The following NMUR2 variants were observed in gnomAD, a reference collection of about 807,000 sequenced individuals.
The protein encoded by NMUR2 is neuromedin-U receptor 2.
NMUR2 carries 24 observed loss-of-function variants against 25.1 expected under a neutral mutation model. That is an observed-to-expected ratio of 0.96 (90% CI 0.69 to 1.34). The LOEUF is 1.34. NMUR2 is among the 40% of genes most tolerant of loss of function. NMUR2 has a pLI of 0.00. For missense variants in NMUR2, 533 were observed against 512.8 expected, an observed-to-expected ratio of 1.04 and a Z score of -0.38; for synonymous variants, 218 against 208.1, an observed-to-expected ratio of 1.05 and a Z score of -0.41.
In NMUR2 at chr5:152,404,755, T is replaced by C; in HGVS notation, c.359A>G (p.Tyr120Cys). ...GGTCTCAAAGAGGGCCGTCTTGAAG[T>C]AGCAGCCCACGGGCCCGAACAAGAA... ...YPFLFGPVGC[Y>C]FKTALFETVC... Residue 120 changes from tyrosine to cysteine, a missense_variant, in exon 1 of 4, where the codon TAC (tyrosine) becomes TGC (cysteine). Physicochemically the swap from Tyr to Cys is radical, Grantham distance 194. Transcript: ENST00000255262. 2 of 1,614,046 alleles carry C rather than the reference T, an allele frequency of 1.2e-6. No homozygotes were observed. Among genetic ancestry groups the C allele is most frequent in the Middle Eastern group, 1.6e-4 (1 of 6,062 alleles).
rs1468414545 is a variant in NMUR2 at position 152,404,787 on chromosome 5, G to T, written c.327C>A (p.Asn109Lys). 3 of 1,613,992 alleles carry T rather than the reference G, an allele frequency of 1.9e-6. No homozygotes were observed. Among genetic ancestry groups the T allele is most frequent in the Non-Finnish European group, 2.5e-6 (3 of 1,180,042 alleles). Residue 109 changes from asparagine (N) to lysine (K), a missense_variant, in exon 1 of 4, where the codon AAC becomes AAA. Coordinates refer to ENST00000255262, the MANE Select transcript of NMUR2 (RefSeq NM_020167.5). ...MPLEVYEMWR[N>K]YPFLFGPVGC... is the part of the protein sequence containing the mutation. ...CCACGGGCCCGAACAAGAAAGGGTA[G>T]TTGCGCCACATCTCATAGACCTCCA...
Position 152,395,643 on chromosome 5 carries a change from A to G in NMUR2, c.812-59T>C, listed in dbSNP as rs530823707. 27 of 1,581,266 alleles carry G rather than the reference A, an allele frequency of 1.7e-5. No individual in the cohort carries two copies. In the African/African-American group the frequency reaches 3.4e-4, roughly 20 times the overall value. On this transcript the variant is annotated intron_variant, in intron 2 of 3. Transcript: ENST00000255262. Reference sequence around the variant, plus strand: ...CAGTCTGTGCAAGGATAGGTATACAATGCTCACTCTGAGTCAATCATTTCT... The same window carrying G: ...CAGTCTGTGCAAGGATAGGTATACAGTGCTCACTCTGAGTCAATCATTTCT...
Position 152,404,728 on chromosome 5 carries a change from A to G in NMUR2, c.386T>C (p.Val129Ala), listed in dbSNP as rs201308697. 2.7e-5 allele frequency: 44 copies of G among 1,614,028 alleles called. No individual in the cohort carries two copies. The highest frequency in any genetic ancestry group is 2.2e-5 in the East Asian group (1 of 44,878). Residue 129 changes from valine to alanine, a missense_variant, in exon 1 of 4, where the codon GTG (valine) becomes GCG (alanine). Val to Ala is a moderately conservative substitution (Grantham distance 64). Transcript: ENST00000255262. Reference sequence around the variant, plus strand: ...GATGCTGAGGATGGAGGCGAAGCACACGGTCTCAAAGAGGGCCGTCTTGAA... The same window carrying G: ...GATGCTGAGGATGGAGGCGAAGCACGCGGTCTCAAAGAGGGCCGTCTTGAA... ...CYFKTALFET[V>A]CFASILSITT...
At chr5:152,397,013 T>G (rs1012661400) in intron 2 of NMUR2, among the ~76,000 whole-genome samples, 3 of 66,688 alleles carry the variant, frequency 4.5e-5, no homozygotes, top group African/African-American at 5.2e-5. Flanking sequence ...GAGCTTCATG[T>G]TTTTTTTTTT....
intron 2 of NMUR2, among the ~76,000 whole-genome samples, chr5:152,396,810 T>C (rs1341113932): frequency 6.6e-6 from 1 of 151,942 alleles, no homozygotes; most frequent in Non-Finnish European, 1.5e-5. Flanking sequence ...GAGAATTGCT[T>C]GAACCTGGGA....
rs758264083 is a variant in NMUR2 at position 152,405,096 on chromosome 5, T to C, written c.18A>G (p.Lys6=). Residue 6 remains lysine (K), a synonymous_variant, in exon 1 of 4, where the codon AAA becomes AAG. Transcript: ENST00000255262. The part of the protein sequence containing the change: MSGME[K]LQNASWIYQQ... ...GGTAGATCCAGGAAGCATTCTGAAG[T>C]TTTTCCATCCCTGACATTAAAATCC... 6.2e-7 allele frequency: 1 copy of C among 1,608,450 alleles called. No individual in the cohort carries two copies. Among genetic ancestry groups the C allele is most frequent in the South Asian group, 1.1e-5 (1 of 90,628 alleles).
intron 1 of NMUR2, among the ~76,000 whole-genome samples, chr5:152,402,143 G>C (rs1263607497): frequency 2.0e-5 from 3 of 152,140 alleles, no homozygotes; most frequent in African/African-American, 7.2e-5. Flanking sequence ...AGAGCCATGA[G>C]TACCTACAAC....
chr5:152,399,623 A>C (rs1753220417), intron 1 of NMUR2, among the ~76,000 whole-genome samples: 1 of 152,166 alleles, frequency 6.6e-6, no homozygotes, highest in African/African-American at 2.4e-5. Context: ...GGTTGAAACC[A>C]ACACCATAGA....
rs763343576 is a variant in NMUR2 at position 152,405,136 on chromosome 5, C to A, written c.-23G>T. 1 of 1,570,674 alleles carries A rather than the reference C, an allele frequency of 6.4e-7. No individual in the cohort carries two copies. Among genetic ancestry groups the A allele is most frequent in the East Asian group, 2.3e-5 (1 of 44,388 alleles). ...CATTAAAATCCAAGGCCTGAGCCTC[C>A]CCTGGTACGAGGCTCTGTTTCAAGC... On this transcript the variant is annotated 5_prime_UTR_variant, in exon 1 of 4. Coordinates refer to ENST00000255262, the MANE Select transcript of NMUR2 (RefSeq NM_020167.5).
In NMUR2 at chr5:152,391,647, A is replaced by G. The variant is rs1292200296; in HGVS notation, c.*544T>C. 1.3e-5 allele frequency: 2 copies of G among 153,384 alleles called. No individual in the cohort carries two copies. Among genetic ancestry groups the G allele is most frequent in the Non-Finnish European group, 2.9e-5 (2 of 68,876 alleles). The allele number at this position is 153,384 out of a possible 1,614,324, so 9.5% of individuals were successfully genotyped here. On this transcript the variant is annotated 3_prime_UTR_variant, in exon 4 of 4. Coordinates refer to ENST00000255262, the MANE Select transcript of NMUR2 (RefSeq NM_020167.5). ...AGAAAGATGCCAGCAGATTTGCTCA[A>G]CAGCATTGCCACAAACTTTCAATTT...
chr5:152,395,419 C>A, intron 3 of NMUR2, 40 bp downstream of exon 3: 1 of 1,611,596 alleles, frequency 6.2e-7, no homozygotes, highest in South Asian at 1.1e-5. Flanking sequence ...GTGCTGTTAC[C>A]TGAATACTAG....
At position 152,395,452 on chromosome 5, in the gene NMUR2, G is replaced by GT; in HGVS notation, c.937+6dup. 6.2e-7 allele frequency: 1 copy of GT among 1,613,234 alleles called. No individual in the cohort carries two copies. Among genetic ancestry groups the GT allele is most frequent in the Non-Finnish European group, 8.5e-7 (1 of 1,179,516 alleles). ...TAGTCATGCACCAAATCCAGCTAAG[G>GT]TTTTACCTGACACCACATGGACGAG... is the stretch of plus-strand genomic sequence containing the variant. On this transcript the variant is annotated splice_region_variant and intron_variant, in intron 3 of 3. Coordinates refer to ENST00000255262, the MANE Select transcript of NMUR2 (RefSeq NM_020167.5).
Position 152,398,078 on chromosome 5 carries a change from ATT to A in NMUR2, c.791_792del (p.Lys264IlefsTer23). 1 of 1,613,356 alleles carries A rather than the reference ATT, an allele frequency of 6.2e-7. No homozygotes were observed. The highest frequency in any genetic ancestry group is 8.5e-7 in the Non-Finnish European group (1 of 1,179,554). ...GNANIQRPCR[K>X]SVNKMLFVLV... Reference sequence around the variant, plus strand: ...CACTTACACAGCATCTTGTTGACTGATTTTCTGCAGGGTCTTTGAATATTTGC... The same window carrying A: ...CACTTACACAGCATCTTGTTGACTGATTCTGCAGGGTCTTTGAATATTTGC... On this transcript the variant is annotated frameshift_variant, in exon 2 of 4. Transcript: ENST00000255262. LOFTEE classifies it high-confidence loss of function.
rs770598805 is a variant in NMUR2 at position 152,404,772 on chromosome 5, G to A, written c.342C>T (p.Phe114=). 1.9e-6 allele frequency: 3 copies of A among 1,613,978 alleles called. No homozygotes were observed. The highest frequency in any genetic ancestry group is 2.7e-5 in the African/African-American group (2 of 74,896). Residue 114 remains phenylalanine (F), a synonymous_variant, in exon 1 of 4, where the codon TTC becomes TTT. Transcript: ENST00000255262. ...TCTTGAAGTAGCAGCCCACGGGCCCGAACAAGAAAGGGTAGTTGCGCCACA... is the reference window on the plus strand; with the variant it reads ...TCTTGAAGTAGCAGCCCACGGGCCCAAACAAGAAAGGGTAGTTGCGCCACA... The part of the protein sequence containing the change: ...YEMWRNYPFL[F]GPVGCYFKTA...
intron 2 of NMUR2, 87 bp downstream of exon 2, chr5:152,397,973 C>T (rs1457153134): frequency 1.1e-5 from 10 of 880,552 alleles, no homozygotes; most frequent in East Asian, 2.4e-5. Flanking sequence ...AAATTGGAAC[C>T]TACCCCAGCA....
At position 152,392,397 on chromosome 5, in the gene NMUR2, GT is replaced by G. The variant is rs1753076268; in HGVS notation, c.1041del (p.Lys347AsnfsTer20). On this transcript the variant is annotated frameshift_variant, in exon 4 of 4. Transcript: ENST00000255262. LOFTEE classifies it low-confidence loss of function (END_TRUNC). Reference protein sequence around the residue: ...AFQNVISSFHKQWHSQHDPQL... With the variant: ...AFQNVISSFHXQWHSQHDPQL... ...TGTGGGTCATGCTGGGAGTGCCACT[GT>G]TTGTGGAAAGAAGAGATCACATTCT... is the stretch of plus-strand genomic sequence containing the variant. The G allele has an allele frequency of 2.5e-6, 4 of 1,614,068 alleles. No individual in the cohort carries two copies. The highest frequency in any genetic ancestry group is 3.4e-6 in the Non-Finnish European group (4 of 1,179,942).
At chr5:152,396,052 A>G (rs537329939) in intron 2 of NMUR2, among the ~76,000 whole-genome samples, 99 of 152,268 alleles carry the variant, frequency 6.5e-4, no homozygotes, top group African/African-American at 2.2e-3. Context: ...GTACTTTACA[A>G]GAATCTTTTG....
At chr5:152,402,743 T>C (rs577771759) in intron 1 of NMUR2, among the ~76,000 whole-genome samples, 3 of 152,290 alleles carry the variant, frequency 2.0e-5, no homozygotes, top group Non-Finnish European at 4.4e-5. Flanking sequence ...ATAGAAGTCT[T>C]TTCCCCGCAG....
intron 2 of NMUR2, among the ~76,000 whole-genome samples, chr5:152,397,012 GTTTT>G (rs769998163): frequency 0.012 from 1,224 of 105,718 alleles, 101 homozygotes; most frequent in Admixed American, 0.1. Context: ...TGAGCTTCAT[GTTTT>G]TTTTTTTTTT....
Sources: allele counts gnomAD v4.1 joint callset (sites outside exome capture counted in the v4.1 genomes callset), GRCh38; gene constraint gnomAD v4.1.1; transcripts MANE v1.5; gene names NCBI Gene and HGNC (gene_info 2026-07-23, HGNC 2026-07-21).